The following SCFD2 variants were observed in gnomAD, a reference collection of about 807,000 sequenced individuals.
SCFD2 encodes sec1 family domain-containing protein 2.
A neutral mutation model predicts 58.9 loss-of-function variants in SCFD2; 54 were observed. The observed-to-expected ratio is 0.92, with a 90% CI of 0.74 to 1.15. The LOEUF is 1.15. Ranked by LOEUF, SCFD2 falls within the 50% of genes most tolerant of loss-of-function variation. The probability of loss-of-function intolerance (pLI) is 0.00; values close to 1 mark genes in which losing one functional copy is unlikely to be tolerated. For missense variants in SCFD2, 805 were observed against 836.6 expected, an observed-to-expected ratio of 0.96 and a Z score of 0.47; for synonymous variants, 321 against 335.9, an observed-to-expected ratio of 0.96 and a Z score of 0.49.
At chr4:53,232,708 T>C (rs1199150759) in intron 4 of SCFD2, among the ~76,000 whole-genome samples, 3 of 152,200 alleles carry the variant, frequency 2.0e-5, no homozygotes, top group Admixed American at 2.0e-4. Context: ...AAGCCACATA[T>C]TCCTCCTAAA....
At chr4:52,920,356 G>C (rs1460748218) in intron 6 of SCFD2, among the ~76,000 whole-genome samples, 1 of 152,168 alleles carries the variant, frequency 6.6e-6, no homozygotes, top group African/African-American at 2.4e-5. Context: ...TTTACGGACT[G>C]GTTAGATCCA....
chr4:52,965,047 ATC>A (rs1239889146), intron 5 of SCFD2, among the ~76,000 whole-genome samples: 6 of 152,038 alleles, frequency 3.9e-5, no homozygotes, highest in Non-Finnish European at 8.8e-5. Context: ...TGCTGTTGCC[ATC>A]TATTTCATAA....
At chr4:52,884,723 G>A (rs1396396864) in intron 8 of SCFD2, among the ~76,000 whole-genome samples, 1 of 152,156 alleles carries the variant, frequency 6.6e-6, no homozygotes, top group Non-Finnish European at 1.5e-5. Context: ...TGCATCCCCA[G>A]TCACAGGAGA....
intron 2 of SCFD2, among the ~76,000 whole-genome samples, chr4:53,339,430 T>C (rs558075573): frequency 2.0e-5 from 3 of 151,738 alleles, no homozygotes; most frequent in East Asian, 1.9e-4. Context: ...TTATAAGTAA[T>C]ATCTAGTGTA....
At chr4:53,103,414 T>G (rs1724886436) in intron 5 of SCFD2, among the ~76,000 whole-genome samples, 1 of 151,988 alleles carries the variant, frequency 6.6e-6, no homozygotes, top group East Asian at 1.9e-4. Flanking sequence ...ATCCATCTAT[T>G]CACACAGAAT....
At chr4:53,061,942 G>C (rs1399377976) in intron 5 of SCFD2, among the ~76,000 whole-genome samples, 1 of 152,110 alleles carries the variant, frequency 6.6e-6, no homozygotes, top group East Asian at 1.9e-4. Flanking sequence ...GAGGGTGAGA[G>C]AGCTAGCTGG....
intron 4 of SCFD2, among the ~76,000 whole-genome samples, chr4:53,222,227 C>A (rs1729067596): frequency 1.3e-5 from 2 of 152,314 alleles, no homozygotes; most frequent in South Asian, 4.1e-4. Flanking sequence ...AGAGAAGCAG[C>A]AATGACTCAA....
At chr4:53,075,159 T>TA (rs1723935013) in intron 5 of SCFD2, among the ~76,000 whole-genome samples, 1 of 152,236 alleles carries the variant, frequency 6.6e-6, no homozygotes, top group Admixed American at 6.5e-5. Context: ...ACTTTTATGT[T>TA]AGAGAGACAG....
chr4:52,965,474 C>T (rs970854258), intron 5 of SCFD2, among the ~76,000 whole-genome samples: 3 of 152,150 alleles, frequency 2.0e-5, no homozygotes, highest in Admixed American at 6.5e-5. Context: ...AGTGGTGTCC[C>T]GTAACTTCCT....
At chr4:53,034,624 T>C (rs1173443535) in intron 5 of SCFD2, among the ~76,000 whole-genome samples, 1 of 152,148 alleles carries the variant, frequency 6.6e-6, no homozygotes, top group African/African-American at 2.4e-5. Flanking sequence ...ACTTCAGCAA[T>C]GTTTCAGGAT....
chr4:53,325,192 C>T (rs2054587), intron 2 of SCFD2, among the ~76,000 whole-genome samples: 147,236 of 150,764 alleles, frequency 0.98, 71,996 homozygotes, highest in Middle Eastern at 1. Context: ...TGTGTGTGTG[C>T]GCGTGCGCGC....
intron 5 of SCFD2, among the ~76,000 whole-genome samples, chr4:53,080,555 C>A (rs551608667): frequency 6.6e-6 from 1 of 152,058 alleles, no homozygotes; most frequent in Non-Finnish European, 1.5e-5. Flanking sequence ...TAAAACGACC[C>A]AGGGTGACAG....
intron 5 of SCFD2, among the ~76,000 whole-genome samples, chr4:52,984,699 G>A (rs983745528): frequency 6.6e-5 from 10 of 152,192 alleles, no homozygotes; most frequent in African/African-American, 1.9e-4. Context: ...GGTCGGCAGA[G>A]GCCTGAAGTC....
intron 5 of SCFD2, chr4:52,949,153 T>C (rs1271067252): frequency 6.6e-6 from 1 of 152,174 alleles, no homozygotes; most frequent in Non-Finnish European, 1.5e-5. Flanking sequence ...GGACATCAGT[T>C]TACTATACAC....
At position 53,331,745 on chromosome 4, in the gene SCFD2, T is replaced by C. The variant is rs541495550; in HGVS notation, c.1008-17982A>G. ...AGCAGAAGGCAAGAAATAACTAAAA[T>C]CAGAGCAGAACTGAAGGAAATAGAG... On this transcript the variant is annotated intron_variant, in intron 2 of 8. Coordinates refer to ENST00000401642, the MANE Select transcript of SCFD2 (RefSeq NM_152540.4). Among the ~76,000 whole-genome samples, 14 of 151,862 alleles carry C rather than the reference T, an allele frequency of 9.2e-5. No homozygotes were observed. In the East Asian group the frequency reaches 2.1e-3, roughly 23 times the overall value.
intron 5 of SCFD2, among the ~76,000 whole-genome samples, chr4:53,036,009 CAA>C (rs2148821458): frequency 6.6e-6 from 1 of 152,180 alleles, no homozygotes; most frequent in East Asian, 1.9e-4. Flanking sequence ...CATTCTACTA[CAA>C]AGGCACATGC....
chr4:53,099,596 C>A (rs536427642), intron 5 of SCFD2, among the ~76,000 whole-genome samples: 17 of 152,224 alleles, frequency 1.1e-4, no homozygotes, highest in African/African-American at 4.1e-4. Context: ...TGAAGGGGAG[C>A]CAGCATGTGC....
In SCFD2 at chr4:53,257,952, A is replaced by G. The variant is rs375193989; in HGVS notation, c.1311+15874T>C. On this transcript the variant is annotated intron_variant, in intron 4 of 8. Coordinates refer to ENST00000401642, the MANE Select transcript of SCFD2 (RefSeq NM_152540.4). ...ATAAAGAAAAAAAGTCCCTCCCTAC[A>G]TGTTATGAGATAGGGTTGGCTGCAA... Among the ~76,000 whole-genome samples, 4 of 152,266 alleles carry G rather than the reference A, an allele frequency of 2.6e-5. No individual in the cohort carries two copies. The East Asian group carries it at 5.8e-4, about 22-fold the overall frequency.
rs774593287 is a variant in SCFD2, at chr4:53,365,058, G to A, written c.838+46C>T. On this transcript the variant is annotated intron_variant, in intron 1 of 8. Transcript: ENST00000401642. This position sits in a 1 kb window ranked among gnomAD's most constrained non-coding sequence, Gnocchi z 4.3. Reference sequence around the variant, plus strand: ...ATATGCTGAATCAATGAAAGTCCCAGCAATGTGGGGAATGGTAATGAAGAA... The same window carrying A: ...ATATGCTGAATCAATGAAAGTCCCAACAATGTGGGGAATGGTAATGAAGAA... 1.9e-6 allele frequency: 3 copies of A among 1,569,380 alleles called. No individual in the cohort carries two copies. The highest frequency in any genetic ancestry group is 2.4e-5 in the South Asian group (2 of 83,614).
Sources: allele counts gnomAD v4.1 joint callset (sites outside exome capture counted in the v4.1 genomes callset), GRCh38; gene constraint gnomAD v4.1.1; non-coding constraint Gnocchi (gnomAD v3.1); transcripts MANE v1.5; gene names NCBI Gene and HGNC (gene_info 2026-07-23, HGNC 2026-07-21).